Variants in NCAM2 observed in about 807,000 individuals in gnomAD.
NCAM2 encodes neural cell adhesion molecule 2, also known as N-CAM-2.
In NCAM2, 30 loss-of-function variants were observed where a neutral mutation model predicts 98.1. That is an observed-to-expected ratio of 0.31 (90% confidence interval 0.23 to 0.41). NCAM2 has a LOEUF of 0.41. NCAM2 is among the 10% of genes least tolerant of loss of function. The pLI is 1.00. For synonymous variants in NCAM2, 368 were observed against 342.4 expected (o/e 1.07, Z -0.83); for missense variants, 867 against 1,005.8 (o/e 0.86, Z 1.87).
intron 10 of NCAM2, among the ~76,000 whole-genome samples, chr21:21,415,330 C>CT (rs34997215): frequency 0.17 from 12,302 of 70,868 alleles, 2,707 homozygotes; most frequent in Non-Finnish European, 0.21. Flanking sequence ...TTAGCTTGAT[C>CT]TTTTTTTTTT....
At chr21:21,167,559 T>C (rs2067991573) in intron 1 of NCAM2, among the ~76,000 whole-genome samples, 2 of 152,022 alleles carry the variant, frequency 1.3e-5, no homozygotes, top group South Asian at 2.1e-4. Context: ...AGTACTAAGA[T>C]TGACAAACTT....
At chr21:21,233,564 TA>T in intron 1 of NCAM2, among the ~76,000 whole-genome samples, 1 of 151,820 alleles carries the variant, frequency 6.6e-6, no homozygotes, top group East Asian at 1.9e-4. Context: ...ATTGTTTAGA[TA>T]AAAATGATCA....
At chr21:21,530,315 T>A (rs911208086) in intron 16 of NCAM2, among the ~76,000 whole-genome samples, 11 of 22,236 alleles carry the variant, frequency 4.9e-4, no homozygotes, top group Middle Eastern at 0.017. Flanking sequence ...AAATTATATA[T>A]AATTAAATTA....
At chr21:21,234,600 A>G (rs1796767325) in intron 1 of NCAM2, among the ~76,000 whole-genome samples, 2 of 152,020 alleles carry the variant, frequency 1.3e-5, no homozygotes, top group Non-Finnish European at 2.9e-5. Flanking sequence ...TTTCAATTTT[A>G]TAATAACTTT....
At chr21:21,385,516 A>C in intron 9 of NCAM2, 1 of 556,242 alleles carries the variant, frequency 1.8e-6, no homozygotes, top group Admixed American at 2.5e-5. Flanking sequence ...TTATAATTTG[A>C]TAGAAGCCGC....
intron 12 of NCAM2, among the ~76,000 whole-genome samples, chr21:21,457,478 A>C (rs935764963): frequency 6.6e-6 from 1 of 152,122 alleles, no homozygotes; most frequent in African/African-American, 2.4e-5. Context: ...TGTTTCTACC[A>C]AAAATATAAA....
chr21:21,432,234 A>C lies in NCAM2; in HGVS notation c.1607A>C (p.Glu536Ala), dbSNP rs747467745. Residue 536 changes from glutamate (E) to alanine (A), a missense_variant, in exon 12 of 18, where the codon GAA becomes GCA. This residue lies in a region of NCAM2 where 234 missense variants were observed against 333.8 expected (regional missense o/e 0.70). Transcript: ENST00000400546. ...PIHHYQVDVK[E>A]VASEIWKIVR... Reference sequence around the variant, plus strand: ...CATCACTATCAGGTGGATGTCAAAGAAGTAGCGTCAGAAATCTGGAAAATT... The same window carrying C: ...CATCACTATCAGGTGGATGTCAAAGCAGTAGCGTCAGAAATCTGGAAAATT... The C allele has an allele frequency of 6.2e-7, 1 of 1,614,130 alleles. No homozygotes were observed. The highest frequency in any genetic ancestry group is 1.1e-5 in the South Asian group (1 of 91,086).
Position 21,359,804 on chromosome 21 carries a change from G to T in NCAM2, c.1045-14059G>T, listed in dbSNP as rs577272752. ...AAATATAAAATCGTATCACTATAAA[G>T]AAGTCTAAATATATCAGTGAATATT... On this transcript the variant is annotated intron_variant, in intron 8 of 17. Transcript: ENST00000400546. Among the ~76,000 whole-genome samples the T allele has an allele frequency of 5.4e-4, 82 of 151,930 alleles. 1 individual carries two copies. In the South Asian group the frequency reaches 0.017, roughly 31 times the overall value.
At chr21:21,473,634 T>G (rs1984769656) in intron 14 of NCAM2, among the ~76,000 whole-genome samples, 1 of 151,812 alleles carries the variant, frequency 6.6e-6, no homozygotes, top group Non-Finnish European at 1.5e-5. Flanking sequence ...TCTATTGTCC[T>G]CTCATTTTAT....
At chr21:21,460,414 G>T (rs1003319959) in intron 12 of NCAM2, among the ~76,000 whole-genome samples, 1 of 151,880 alleles carries the variant, frequency 6.6e-6, no homozygotes, top group Admixed American at 6.6e-5. Context: ...AACTCTGTTA[G>T]TTCTGGTATT....
At position 21,531,815 on chromosome 21, in the gene NCAM2, C is replaced by T. The variant is rs376365444; in HGVS notation, c.2283-2722C>T. ...CTAACGCGGTGAAACCCCGTCTCTA[C>T]TAAAAAATACCAAAAAAAAAAAAAA... On this transcript the variant is annotated intron_variant, in intron 16 of 17. Coordinates refer to ENST00000400546, the MANE Select transcript of NCAM2 (RefSeq NM_004540.5). Among the ~76,000 whole-genome samples the T allele has an allele frequency of 2.9e-4, 39 of 135,050 alleles. No homozygotes were observed. The East Asian group carries it at 6.7e-3, about 23-fold the overall frequency. 88.6% of individuals were successfully genotyped at this position (135,050 alleles called of 152,430 possible).
At chr21:21,222,833 C>T (rs975563427) in intron 1 of NCAM2, among the ~76,000 whole-genome samples, 1 of 152,122 alleles carries the variant, frequency 6.6e-6, no homozygotes, top group Non-Finnish European at 1.5e-5. Context: ...AGAAGTCCTA[C>T]TGTGGATAAA....
chr21:21,285,254 C>A (rs1351571139), intron 3 of NCAM2, among the ~76,000 whole-genome samples: 1 of 151,584 alleles, frequency 6.6e-6, no homozygotes, highest in Non-Finnish European at 1.5e-5. Flanking sequence ...GAATGCAAGC[C>A]CTTAAATCAT....
intron 1 of NCAM2, among the ~76,000 whole-genome samples, chr21:21,160,381 G>C (rs1204304240): frequency 6.6e-6 from 1 of 151,798 alleles, no homozygotes. Context: ...GCCATTGCAG[G>C]CAAGAATTTT....
At chr21:21,183,648 G>A (rs1170722904) in intron 1 of NCAM2, among the ~76,000 whole-genome samples, 1 of 152,126 alleles carries the variant, frequency 6.6e-6, no homozygotes, top group African/African-American at 2.4e-5. Context: ...TGACATCTAA[G>A]CAAAATCTTA....
At position 21,336,057 on chromosome 21, in the gene NCAM2, C is replaced by T. The variant is rs9974481; in HGVS notation, c.898+392C>T. Among the ~76,000 whole-genome samples, 847 of 152,156 alleles carry T rather than the reference C, an allele frequency of 5.6e-3. 7 individuals are homozygous for T. The highest frequency in any genetic ancestry group is 0.024 in the Middle Eastern group (7 of 292). Reference sequence around the variant, plus strand: ...TTAAAAACATTGACATGTAACTATACTTAAATATTTGCTTTCATTTAACTA... The same window carrying T: ...TTAAAAACATTGACATGTAACTATATTTAAATATTTGCTTTCATTTAACTA... On this transcript the variant is annotated intron_variant, in intron 7 of 17. Transcript: ENST00000400546.
At chr21:21,334,174 C>T (rs1238920867) in intron 6 of NCAM2, among the ~76,000 whole-genome samples, 2 of 152,066 alleles carry the variant, frequency 1.3e-5, no homozygotes, top group Non-Finnish European at 2.9e-5. Flanking sequence ...CTCAAGTGAT[C>T]CACCGGCCTC....
chr21:21,084,319 G>T (rs2065867411), intron 1 of NCAM2, among the ~76,000 whole-genome samples: 1 of 152,066 alleles, frequency 6.6e-6, no homozygotes, highest in South Asian at 2.1e-4. Flanking sequence ...ACCATAACTG[G>T]TGATAAGTTC....
In NCAM2 at chr21:21,135,497, C is replaced by T. The variant is rs2067029949; in HGVS notation, c.55+136879C>T. ...CCTCGATAGAACTGAAGTTACTTAA[C>T]AGTGAATGTGACAGTCTTAGCATTT... On this transcript the variant is annotated intron_variant, in intron 1 of 17. Coordinates refer to ENST00000400546, the MANE Select transcript of NCAM2 (RefSeq NM_004540.5). 2.6e-5 allele frequency among the ~76,000 whole-genome samples: 4 copies of T among 152,176 alleles called. No homozygotes were observed. The South Asian group carries it at 8.3e-4, about 32-fold the overall frequency.
Sources: allele counts gnomAD v4.1 joint callset (sites outside exome capture counted in the v4.1 genomes callset), GRCh38; gene constraint gnomAD v4.1.1; regional missense constraint gnomAD v4.1.1; transcripts MANE v1.5; gene names NCBI Gene and HGNC (gene_info 2026-07-23, HGNC 2026-07-21).